The following DPYD variants were observed in gnomAD, a reference collection of about 807,000 sequenced individuals.
DPYD encodes the protein dihydropyrimidine dehydrogenase.
A neutral mutation model predicts 116.2 loss-of-function variants in DPYD; 109 were observed. The observed-to-expected ratio is 0.94, with a 90% confidence interval of 0.80 to 1.10. The LOEUF (loss-of-function observed/expected upper bound fraction) is 1.10. DPYD is among the 50% of genes least tolerant of loss of function. The probability of loss-of-function intolerance (pLI) is 0.00; values close to 1 mark genes in which losing one functional copy is unlikely to be tolerated. For synonymous variants in DPYD, 440 were observed against 432.0 expected, an observed-to-expected ratio of 1.02 and a Z score of -0.23; for missense variants, 1,302 against 1,254.5, an observed-to-expected ratio of 1.04 and a Z score of -0.57.
chr1:97,469,714 G>A (rs868550246), intron 13 of DPYD, among the ~76,000 whole-genome samples: 1 of 152,088 alleles, frequency 6.6e-6, no homozygotes, highest in African/African-American at 2.4e-5. Flanking sequence ...ATTGGGTTAC[G>A]ATGTCTTGGA....
chr1:97,602,163 T>C (rs1447149397), intron 8 of DPYD, among the ~76,000 whole-genome samples: 2 of 151,996 alleles, frequency 1.3e-5, no homozygotes, highest in Non-Finnish European at 2.9e-5. Flanking sequence ...ATTTTGAAAA[T>C]CTGATACATG....
intron 11 of DPYD, among the ~76,000 whole-genome samples, chr1:97,565,064 A>G (rs1421015287): frequency 6.6e-6 from 1 of 152,118 alleles, no homozygotes; most frequent in Non-Finnish European, 1.5e-5. Flanking sequence ...ATAACTTGAG[A>G]GCTGCCCATC....
chr1:97,602,738 T>C (rs1655338470), intron 8 of DPYD, among the ~76,000 whole-genome samples: 1 of 151,940 alleles, frequency 6.6e-6, no homozygotes, highest in African/African-American at 2.4e-5. Context: ...CATCTTTTCT[T>C]CTATCTATAG....
intron 20 of DPYD, among the ~76,000 whole-genome samples, chr1:97,189,338 G>A (rs146557761): frequency 0.017 from 2,564 of 152,258 alleles, 29 homozygotes; most frequent in South Asian, 0.03. Context: ...CAGATGTCGG[G>A]AACAGCATGT....
chr1:97,359,381 C>T (rs1456267692), intron 16 of DPYD, among the ~76,000 whole-genome samples: 2 of 152,178 alleles, frequency 1.3e-5, no homozygotes, highest in Admixed American at 6.5e-5. Flanking sequence ...TTGGAAAACA[C>T]TCTTCAGGAT....
intron 21 of DPYD, among the ~76,000 whole-genome samples, chr1:97,086,341 C>A (rs1415499884): frequency 1.5e-5 from 2 of 132,594 alleles, no homozygotes; most frequent in Non-Finnish European, 3.2e-5. Context: ...TGAGCCACGG[C>A]GCCTGGCCAA....
intron 7 of DPYD, among the ~76,000 whole-genome samples, chr1:97,688,953 T>C (rs1027234245): frequency 2.6e-5 from 4 of 151,934 alleles, no homozygotes; most frequent in African/African-American, 9.7e-5. Flanking sequence ...AACACACTTT[T>C]GATTAACTTT....
At chr1:97,879,763 T>C (rs563821316) in intron 2 of DPYD, among the ~76,000 whole-genome samples, 1 of 152,030 alleles carries the variant, frequency 6.6e-6, no homozygotes, top group South Asian at 2.1e-4. Context: ...ATTTACTTAT[T>C]AAACAAAATT....
intron 19 of DPYD, among the ~76,000 whole-genome samples, chr1:97,224,498 T>A (rs1175279901): frequency 2.0e-5 from 3 of 151,750 alleles, no homozygotes; most frequent in African/African-American, 4.8e-5. Flanking sequence ...CACAGCAACA[T>A]TTTTTTTCTG....
Position 97,450,155 on chromosome 1 carries a change from T to TC in DPYD, c.1808dup (p.Gln604ThrfsTer8). 6.2e-7 allele frequency: 1 copy of TC among 1,613,962 alleles called. No homozygotes were observed. Among genetic ancestry groups the TC allele is most frequent in the Non-Finnish European group, 8.5e-7 (1 of 1,179,892 alleles). On this transcript the variant is annotated frameshift_variant, in exon 14 of 23. Transcript: ENST00000370192. LOFTEE classifies it high-confidence loss of function. ...GCTCAATATTCAGAAAGGAGCTTTG[T>TC]CCAGGGCCATACATGGGGCCAGAGG... is the stretch of plus-strand genomic sequence containing the variant.
intron 12 of DPYD, among the ~76,000 whole-genome samples, chr1:97,537,059 T>G (rs952586222): frequency 1.3e-5 from 2 of 152,220 alleles, no homozygotes; most frequent in African/African-American, 4.8e-5. Context: ...TTTTAAGCAA[T>G]GATAATGATA....
At chr1:97,353,459 C>G (rs1452930669) in intron 16 of DPYD, among the ~76,000 whole-genome samples, 2 of 152,074 alleles carry the variant, frequency 1.3e-5, no homozygotes, top group Non-Finnish European at 2.9e-5. Context: ...CCTTTTAAAG[C>G]CTTTCCTAAA....
At chr1:97,318,592 T>G (rs146186215) in intron 16 of DPYD, among the ~76,000 whole-genome samples, 1,610 of 151,618 alleles carry the variant, frequency 0.011, 29 homozygotes, top group African/African-American at 0.036. Context: ...AAGTCCTGAG[T>G]GACCTACAAA....
intron 3 of DPYD, among the ~76,000 whole-genome samples, chr1:97,752,290 TCACACACACA>T (rs146577982): frequency 1.4e-5 from 2 of 145,860 alleles, no homozygotes; most frequent in Non-Finnish European, 3.0e-5. Context: ...TAAACCTACT[TCACACACACA>T]CACACACACA....
intron 7 of DPYD, among the ~76,000 whole-genome samples, chr1:97,686,547 G>C (rs1042817007): frequency 7.1e-6 from 1 of 141,142 alleles, no homozygotes; most frequent in Non-Finnish European, 1.5e-5. Context: ...TGAGGCAGGA[G>C]AATGGCGTGA....
At chr1:97,835,326 T>C (rs1223304892) in intron 2 of DPYD, among the ~76,000 whole-genome samples, 1 of 152,092 alleles carries the variant, frequency 6.6e-6, no homozygotes, top group Non-Finnish European at 1.5e-5. Flanking sequence ...CAAAGTGTTA[T>C]TGTAAAGATT....
At chr1:97,718,331 ATTTG>A (rs1662730003) in intron 5 of DPYD, among the ~76,000 whole-genome samples, 1 of 149,100 alleles carries the variant, frequency 6.7e-6, no homozygotes, top group Non-Finnish European at 1.5e-5. Flanking sequence ...TTTCTCGCTG[ATTTG>A]TTTGAGTTTC....
intron 14 of DPYD, among the ~76,000 whole-genome samples, chr1:97,407,436 C>A (rs569636600): frequency 6.6e-6 from 1 of 152,056 alleles, no homozygotes; most frequent in South Asian, 2.1e-4. Context: ...ATAATCCTGG[C>A]GTGTACATTA....
At chr1:97,507,763 A>C (rs1557760146) in intron 13 of DPYD, among the ~76,000 whole-genome samples, 1 of 152,166 alleles carries the variant, frequency 6.6e-6, no homozygotes, top group Non-Finnish European at 1.5e-5. Context: ...ATTTGTGCAA[A>C]CGCAGGAGCA....
Sources: gnomAD v4.1 joint callset for allele counts (sites outside exome capture counted in the v4.1 genomes callset) on GRCh38, gnomAD v4.1.1 for gene constraint, MANE v1.5 for transcripts, NCBI Gene and HGNC (gene_info 2026-07-23, HGNC 2026-07-21) for gene names.